Variants in CTNNBIP1 observed in about 807,000 individuals in gnomAD.
The protein encoded by CTNNBIP1 is beta-catenin-interacting protein 1.
CTNNBIP1 carries 7 observed loss-of-function variants against 11.8 expected under a neutral mutation model. That is an observed-to-expected ratio of 0.60 (90% CI 0.34 to 1.12). The LOEUF (loss-of-function observed/expected upper bound fraction) is 1.12, where lower values mean the gene tolerates loss of function less well. Among genes scored for constraint, CTNNBIP1 ranks in the 50% most tolerant of loss-of-function variants. The pLI, the probability that CTNNBIP1 is intolerant of heterozygous loss-of-function variation, is 0.03. For missense variants in CTNNBIP1, 101 were observed against 113.4 expected, an observed-to-expected ratio of 0.89 and a Z score of 0.50; for synonymous variants, 58 against 43.9, an observed-to-expected ratio of 1.32 and a Z score of -1.26.
intron 2 of CTNNBIP1, among the ~76,000 whole-genome samples, chr1:9,878,436 C>T (rs542810850): frequency 2.6e-5 from 4 of 152,290 alleles, no homozygotes; most frequent in South Asian, 4.1e-4. Flanking sequence ...CTCAGCACCC[C>T]GCAGCCTCTG....
At chr1:9,868,184 T>A (rs1448204435) in intron 5 of CTNNBIP1, among the ~76,000 whole-genome samples, 1 of 152,172 alleles carries the variant, frequency 6.6e-6, no homozygotes, top group Non-Finnish European at 1.5e-5. Flanking sequence ...GTAGGGGCAG[T>A]CCACAGGGCG....
chr1:9,865,088 G>A (rs910762968), intron 5 of CTNNBIP1, among the ~76,000 whole-genome samples: 4 of 152,020 alleles, frequency 2.6e-5, no homozygotes, highest in Admixed American at 6.6e-5. Flanking sequence ...AATTAGCTGG[G>A]CATGGTGACA....
intron 1 of CTNNBIP1, among the ~76,000 whole-genome samples, chr1:9,901,029 C>T (rs1157437468): frequency 2.0e-5 from 3 of 152,192 alleles, no homozygotes; most frequent in African/African-American, 7.2e-5. Flanking sequence ...TCAGACCCAC[C>T]ACTTCACCAG....
Position 9,866,126 on chromosome 1 carries a change from C to A in CTNNBIP1, c.187+5061G>T, listed in dbSNP as rs534048557. Among the ~76,000 whole-genome samples the A allele has an allele frequency of 2.6e-3, 401 of 152,300 alleles. 3 individuals are homozygous for A. Among genetic ancestry groups the A allele is most frequent in the Non-Finnish European group, 3.6e-3 (247 of 68,030 alleles). ...AGTTCCAAGCTCAAGGAGCTCAGAG[C>A]CCGGTCAATAGATGGATTAGGAGAC... On this transcript the variant is annotated intron_variant, in intron 5 of 5. Transcript: ENST00000377263.
Position 9,850,610 on chromosome 1 carries a change from G to C in CTNNBIP1, c.*108C>G, listed in dbSNP as rs1021040669. ...GGTGGGGCAGGGCAGGGTTGGGTAG[G>C]GGAAGGGGGAGGTGGGGCAAGGGGG... On this transcript the variant is annotated 3_prime_UTR_variant, in exon 6 of 6. Coordinates refer to ENST00000377263, the MANE Select transcript of CTNNBIP1 (RefSeq NM_020248.3). 2 of 978,518 alleles carry C rather than the reference G, an allele frequency of 2.0e-6. No homozygotes were observed. Among genetic ancestry groups the C allele is most frequent in the African/African-American group, 3.2e-5 (2 of 62,820 alleles). 60.6% of individuals were successfully genotyped at this position (978,518 alleles called of 1,614,324 possible).
In CTNNBIP1 at chr1:9,849,308, G is replaced by A. The variant is rs894934688; in HGVS notation, c.*1410C>T. 1 of 152,342 alleles carries A rather than the reference G, an allele frequency of 6.6e-6. No individual in the cohort carries two copies. The highest frequency in any genetic ancestry group is 2.4e-5 in the African/African-American group (1 of 41,464). 9.4% of individuals were successfully genotyped at this position (152,342 alleles called of 1,614,324 possible). On this transcript the variant is annotated 3_prime_UTR_variant, in exon 6 of 6. Transcript: ENST00000377263. ...GGGCCAGTCTGAAGGGACTTGCTTG[G>A]TGAAGGCCCAGCCAGCTGTCCCAGT...
intron 1 of CTNNBIP1, among the ~76,000 whole-genome samples, chr1:9,887,948 C>T (rs1316051960): frequency 6.6e-6 from 1 of 151,812 alleles, no homozygotes; most frequent in African/African-American, 2.4e-5. Context: ...CCTCAGCCTC[C>T]TAATAGCTGG....
At chr1:9,864,545 G>GAA (rs1638704588) in intron 5 of CTNNBIP1, among the ~76,000 whole-genome samples, 3 of 152,160 alleles carry the variant, frequency 2.0e-5, no homozygotes, top group Admixed American at 1.3e-4. Flanking sequence ...AGCCAGGATG[G>GAA]TCTCAATCTC....
Position 9,864,618 on chromosome 1 carries a change from G to A in CTNNBIP1, c.187+6569C>T, listed in dbSNP as rs566347663. On this transcript the variant is annotated intron_variant, in intron 5 of 5. Coordinates refer to ENST00000377263, the MANE Select transcript of CTNNBIP1 (RefSeq NM_020248.3). ...GCTGAGATTACAGGTGTGAGCCACC[G>A]TGCCTGGCCGGACAAGGGCCTATTC... Among the ~76,000 whole-genome samples, 95 of 152,274 alleles carry A rather than the reference G, an allele frequency of 6.2e-4. 1 individual carries two copies. The highest frequency in any genetic ancestry group is 2.1e-3 in the African/African-American group (87 of 41,576).
intron 1 of CTNNBIP1, among the ~76,000 whole-genome samples, chr1:9,887,397 G>A (rs906847472): frequency 1.3e-5 from 2 of 152,212 alleles, no homozygotes; most frequent in African/African-American, 4.8e-5. Context: ...GTTGACAGAC[G>A]CATTATCCAT....
intron 5 of CTNNBIP1, among the ~76,000 whole-genome samples, chr1:9,860,924 C>G (rs1010444817): frequency 2.5e-4 from 38 of 152,166 alleles, no homozygotes; most frequent in African/African-American, 8.9e-4. Context: ...ATGGCTGATG[C>G]GGGGAGCTCC....
intron 5 of CTNNBIP1, among the ~76,000 whole-genome samples, chr1:9,864,873 C>T (rs1638711061): frequency 6.6e-6 from 1 of 152,326 alleles, no homozygotes; most frequent in South Asian, 2.1e-4. Context: ...CTGCCCCTTT[C>T]TGAAATACCT....
Position 9,850,525 on chromosome 1 carries a change from T to C in CTNNBIP1, c.*193A>G, listed in dbSNP as rs1302807150. Reference sequence around the variant, plus strand: ...TCACAAGTCCATCCCTTTAAGCCAATTATAAACGCACCACTGGTGTCTCCC... The same window carrying C: ...TCACAAGTCCATCCCTTTAAGCCAACTATAAACGCACCACTGGTGTCTCCC... On this transcript the variant is annotated 3_prime_UTR_variant, in exon 6 of 6. Transcript: ENST00000377263. The C allele has an allele frequency of 1.2e-5, 7 of 581,168 alleles. No individual in the cohort carries two copies. The highest frequency in any genetic ancestry group is 6.7e-5 in the South Asian group (3 of 44,986). 36.0% of individuals were successfully genotyped at this position (581,168 alleles called of 1,614,324 possible).
intron 5 of CTNNBIP1, 134 bp from the exon 6 acceptor site, chr1:9,850,910 C>A: frequency 1.2e-6 from 1 of 810,146 alleles, no homozygotes. Flanking sequence ...CAAAGTACTT[C>A]CGAGGAAGTC....
chr1:9,891,335 C>A (rs151320467), intron 1 of CTNNBIP1, among the ~76,000 whole-genome samples: 89 of 152,294 alleles, frequency 5.8e-4, no homozygotes, highest in Middle Eastern at 3.4e-3. Flanking sequence ...ACAGGCACCT[C>A]TCTCTCCAGC....
intron 5 of CTNNBIP1, among the ~76,000 whole-genome samples, chr1:9,865,091 T>C (rs1237455712): frequency 3.3e-5 from 5 of 151,978 alleles, no homozygotes; most frequent in Non-Finnish European, 7.4e-5. Context: ...TAGCTGGGCA[T>C]GGTGACATGC....
intron 1 of CTNNBIP1, among the ~76,000 whole-genome samples, chr1:9,892,814 CCTT>C (rs1570593093): frequency 6.6e-6 from 1 of 152,280 alleles, no homozygotes; most frequent in East Asian, 1.9e-4. Flanking sequence ...CAGGAGGCGA[CCTT>C]CCTGATCCTT....
At chr1:9,895,589 G>A (rs370356296) in intron 1 of CTNNBIP1, among the ~76,000 whole-genome samples, 6 of 152,090 alleles carry the variant, frequency 3.9e-5, no homozygotes, top group Admixed American at 6.6e-5. Context: ...TCCGCCTCCC[G>A]GGTTCAAGCG....
intron 1 of CTNNBIP1, among the ~76,000 whole-genome samples, chr1:9,902,321 G>A (rs1421537198): frequency 6.6e-6 from 1 of 152,110 alleles, no homozygotes; most frequent in African/African-American, 2.4e-5. Context: ...GTTAATGGCA[G>A]AACTTCAAAA....
Sources: gnomAD v4.1 joint callset for allele counts (sites outside exome capture counted in the v4.1 genomes callset) on GRCh38, gnomAD v4.1.1 for gene constraint, MANE v1.5 for transcripts, NCBI Gene and HGNC (gene_info 2026-07-23, HGNC 2026-07-21) for gene names.